The following GALNT17 variants were observed in gnomAD, a reference collection of about 807,000 sequenced individuals.
GALNT17 encodes the protein UDP-GalNAc:polypeptide N-acetylgalactosaminyltransferase-like 3.
A neutral mutation model predicts 63.7 loss-of-function variants in GALNT17; 29 were observed. The observed-to-expected ratio is 0.46, with a 90% confidence interval of 0.34 to 0.62. GALNT17 has a LOEUF of 0.62. GALNT17 is among the 20% of genes least tolerant of loss of function. GALNT17 has a pLI of 0.01. For synonymous variants in GALNT17, 305 were observed against 318.3 expected (o/e 0.96, Z 0.45); for missense variants, 603 against 799.6 (o/e 0.75, Z 2.97).
rs113513389 is a variant in GALNT17 at position 71,601,977 on chromosome 7, G to T, written c.1080+30575G>T. On this transcript the variant is annotated intron_variant, in intron 6 of 10. Transcript: ENST00000333538. Reference sequence around the variant, plus strand: ...TCTCCTCTGGCTGCACAGTGAGATGGGAACAGACTGGGCTGAGCAGCTGCA... The same window carrying T: ...TCTCCTCTGGCTGCACAGTGAGATGTGAACAGACTGGGCTGAGCAGCTGCA... Among the ~76,000 whole-genome samples, 888 of 152,270 alleles carry T rather than the reference G, an allele frequency of 5.8e-3. 7 individuals are homozygous for T. Among genetic ancestry groups the T allele is most frequent in the African/African-American group, 0.02 (823 of 41,554 alleles).
rs1244281290 is a variant in GALNT17 at position 71,132,311 on chromosome 7, G to A, written c.-492G>A. The A allele has an allele frequency of 1.3e-5, 2 of 151,888 alleles. No individual in the cohort carries two copies. The highest frequency in any genetic ancestry group is 4.8e-5 in the African/African-American group (2 of 41,400). The allele number at this position is 151,888 out of a possible 1,614,324, so 9.4% of individuals were successfully genotyped here. On this transcript the variant is annotated 5_prime_UTR_variant, in exon 1 of 11. Coordinates refer to ENST00000333538, the MANE Select transcript of GALNT17 (RefSeq NM_022479.3). ...GGCGCGCCGCGACGGCCGCCTGCGG[G>A]CCAAGGTGGGAGGCTGTGCGGCCCC...
At chr7:71,201,415 G>A (rs1002379430) in intron 1 of GALNT17, among the ~76,000 whole-genome samples, 48 of 151,770 alleles carry the variant, frequency 3.2e-4, no homozygotes, top group African/African-American at 1.1e-3. Flanking sequence ...TCTTTGCTCT[G>A]ATTCTCTTCT....
chr7:71,207,274 C>T (rs192399542), intron 1 of GALNT17, among the ~76,000 whole-genome samples: 3 of 152,314 alleles, frequency 2.0e-5, no homozygotes, highest in Admixed American at 2.0e-4. Flanking sequence ...CAATGGCCTT[C>T]TCATCTTTGA....
At chr7:71,256,579 TAAAAACC>T (rs145276028) in intron 1 of GALNT17, among the ~76,000 whole-genome samples, 21,152 of 151,820 alleles carry the variant, frequency 0.14, 1,483 homozygotes, top group South Asian at 0.21. Context: ...CTCAAAAAAA[TAAAAACC>T]AAAAACCAAA....
chr7:71,364,444 T>A (rs1233964324), intron 2 of GALNT17, among the ~76,000 whole-genome samples: 1 of 152,200 alleles, frequency 6.6e-6, no homozygotes, highest in Non-Finnish European at 1.5e-5. Context: ...GCCTCTCTTC[T>A]GTGAGGTCGT....
chr7:71,346,410 T>C (rs1487765748), intron 2 of GALNT17, among the ~76,000 whole-genome samples: 1 of 152,138 alleles, frequency 6.6e-6, no homozygotes, highest in East Asian at 1.9e-4. Flanking sequence ...GACTACCTTT[T>C]ATGTTTTTGT....
chr7:71,701,926 T>TATATATA lies in GALNT17; in HGVS notation c.1501-8834_1501-8828dup, dbSNP rs1373345616. On this transcript the variant is annotated intron_variant, in intron 9 of 10. Coordinates refer to ENST00000333538, the MANE Select transcript of GALNT17 (RefSeq NM_022479.3). Reference sequence around the variant, plus strand: ...ATATATATATACATATATATATGTATATATATACATGTCATGGAACACTAT... The same window carrying TATATATA: ...ATATATATATACATATATATATGTATATATATAATATATACATGTCATGGAACACTAT... Among the ~76,000 whole-genome samples, 2 of 144,100 alleles carry TATATATA rather than the reference T, an allele frequency of 1.4e-5. 1 individual carries two copies. Among genetic ancestry groups the TATATATA allele is most frequent in the Non-Finnish European group, 3.0e-5 (2 of 66,752 alleles). 94.5% of individuals were successfully genotyped at this position (144,100 alleles called of 152,430 possible). A position where few individuals can be genotyped will look rare whatever the true frequency, so the allele number is the denominator to read the frequency against.
chr7:71,446,324 A>G lies in GALNT17; in HGVS notation c.962+25219A>G, dbSNP rs1266896837. On this transcript the variant is annotated intron_variant, in intron 5 of 10. Transcript: ENST00000333538. ...AATTTAATATTCACTGTAAAAATCA[A>G]AAATACAAAAGATCATTAGATAATC... is the stretch of plus-strand genomic sequence containing the variant. 9.8e-5 allele frequency among the ~76,000 whole-genome samples: 15 copies of G among 152,326 alleles called. No homozygotes were observed. In the East Asian group the frequency reaches 2.7e-3, roughly 27 times the overall value.
intron 1 of GALNT17, among the ~76,000 whole-genome samples, chr7:71,326,850 C>T (rs1791714117): frequency 6.6e-6 from 1 of 152,156 alleles, no homozygotes; most frequent in Non-Finnish European, 1.5e-5. Context: ...CCTTTCATTG[C>T]CACACCAAAG....
intron 7 of GALNT17, 27 bp from the exon 8 acceptor site, chr7:71,669,945 C>T (rs749182964): frequency 6.2e-7 from 1 of 1,613,288 alleles, no homozygotes; most frequent in Non-Finnish European, 8.5e-7. Flanking sequence ...CAGTCACTAA[C>T]ACCCCTTGGC....
In GALNT17 at chr7:71,466,889, T is replaced by C. The variant is rs112606927; in HGVS notation, c.962+45784T>C. On this transcript the variant is annotated intron_variant, in intron 5 of 10. Coordinates refer to ENST00000333538, the MANE Select transcript of GALNT17 (RefSeq NM_022479.3). ...AGTGATTTATGTTTTTGCCTGTAAC[T>C]TATCTCTCCCTAAAATGCATAAAAC... Among the ~76,000 whole-genome samples, 490 of 152,204 alleles carry C rather than the reference T, an allele frequency of 3.2e-3. 1 individual carries two copies. Among genetic ancestry groups the C allele is most frequent in the African/African-American group, 0.011 (447 of 41,544 alleles).
At chr7:71,611,829 G>A (rs1029256585) in intron 6 of GALNT17, among the ~76,000 whole-genome samples, 2 of 152,012 alleles carry the variant, frequency 1.3e-5, no homozygotes, top group African/African-American at 4.8e-5. Context: ...TCAGTAAAGG[G>A]ATGGATGGAA....
intron 5 of GALNT17, among the ~76,000 whole-genome samples, chr7:71,421,419 G>A (rs1361169986): frequency 6.6e-6 from 1 of 152,190 alleles, no homozygotes; most frequent in African/African-American, 2.4e-5. Context: ...TAAGGATGAA[G>A]TTTGAAAGTT....
At chr7:71,472,261 A>T (rs1044658394) in intron 5 of GALNT17, among the ~76,000 whole-genome samples, 1 of 152,192 alleles carries the variant, frequency 6.6e-6, no homozygotes, top group Non-Finnish European at 1.5e-5. Context: ...AACCATTGAG[A>T]GAATAACATT....
rs569794067 is a variant in GALNT17, at chr7:71,604,407, G to A, written c.1080+33005G>A. Among the ~76,000 whole-genome samples the A allele has an allele frequency of 7.9e-5, 12 of 152,278 alleles. No homozygotes were observed. The East Asian group carries it at 2.3e-3, about 29-fold the overall frequency. On this transcript the variant is annotated intron_variant, in intron 6 of 10. Coordinates refer to ENST00000333538, the MANE Select transcript of GALNT17 (RefSeq NM_022479.3). ...GGTAGTGTGCTAAGTGCGTACACCA[G>A]TACTATGCTAAGTGCATGCACTAGG...
rs577517320 is a variant in GALNT17 at position 71,505,423 on chromosome 7, A to AC, written c.963-65858dup. Among the ~76,000 whole-genome samples the AC allele has an allele frequency of 9.5e-4, 144 of 152,142 alleles. 7 individuals are homozygous for AC. In the South Asian group the frequency reaches 0.015, roughly 16 times the overall value. On this transcript the variant is annotated intron_variant, in intron 5 of 10. Transcript: ENST00000333538. ...AGACCAGCCTGAGCAACATAGTGAG[A>AC]CCCCATCTCTACAAAAAAATATAAA...
chr7:71,587,779 G>T (rs1175260229), intron 6 of GALNT17, among the ~76,000 whole-genome samples: 3 of 151,834 alleles, frequency 2.0e-5, no homozygotes, highest in African/African-American at 4.8e-5. Flanking sequence ...TCTAAACAAA[G>T]TATTAAAAAA....
intron 1 of GALNT17, among the ~76,000 whole-genome samples, chr7:71,143,758 G>A (rs1787960636): frequency 6.6e-6 from 1 of 152,048 alleles, no homozygotes; most frequent in African/African-American, 2.4e-5. Flanking sequence ...GCAGCAGTAG[G>A]GCAGGGCACG....
chr7:71,458,718 C>T (rs1295653861), intron 5 of GALNT17, among the ~76,000 whole-genome samples: 1 of 152,128 alleles, frequency 6.6e-6, no homozygotes, highest in Non-Finnish European at 1.5e-5. Flanking sequence ...AGAGGATCTT[C>T]CCCTGGAGTT....
Sources: allele counts gnomAD v4.1 joint callset (sites outside exome capture counted in the v4.1 genomes callset), GRCh38; gene constraint gnomAD v4.1.1; transcripts MANE v1.5; gene names NCBI Gene and HGNC (gene_info 2026-07-23, HGNC 2026-07-21).